Variants in CFAP92 observed in about 807,000 individuals in gnomAD.
The protein encoded by CFAP92 is uncharacterized protein CFAP92.
Under a neutral mutation model 106.3 loss-of-function variants are expected in CFAP92, and 86 were observed. The ratio of observed to expected loss-of-function variants is 0.81; its 90% CI spans 0.68 to 0.97. The LOEUF is 0.97. Among genes scored for constraint, CFAP92 ranks in the 50% least tolerant of loss-of-function variants. The probability of loss-of-function intolerance (pLI) is 0.00; values close to 1 mark genes in which losing one functional copy is unlikely to be tolerated. For synonymous variants in CFAP92, 477 were observed against 506.4 expected, an observed-to-expected ratio of 0.94 and a Z score of 0.78; for missense variants, 1,204 against 1,283.8, an observed-to-expected ratio of 0.94 and a Z score of 0.95.
intron 1 of CFAP92, chr3:129,002,544 A>G (rs1170216394): frequency 4.5e-5 from 42 of 928,200 alleles, no homozygotes; most frequent in Non-Finnish European, 5.9e-5. Context: ...TCCATTCCTG[A>G]AAACCCCAAT....
chr3:128,915,598 G>A (rs1471151303), intron 13 of CFAP92, 35 bp from the exon 14 acceptor site: 2 of 1,343,624 alleles, frequency 1.5e-6, no homozygotes, highest in Non-Finnish European at 2.0e-6. Flanking sequence ...GGGTGGAAGG[G>A]CTAATAGCAA....
chr3:128,932,775 G>A lies in CFAP92; in HGVS notation c.2676C>T (p.Ala892=), dbSNP rs565687244. Residue 892 remains alanine (A), a synonymous_variant, in exon 12 of 16, where the codon GCC becomes GCT. Coordinates refer to ENST00000645291, the MANE Select transcript of CFAP92 (RefSeq NM_001394090.1). ...GCCACTGCAGGTACTTCTCCTGGTG[G>A]GCGTGGATCTCTAAGGTGAGGGTGG... is the stretch of plus-strand genomic sequence containing the variant. ...RNSTLTLEIH[A]HQEKYLQWRS... 2 of 1,536,156 alleles carry A rather than the reference G, an allele frequency of 1.3e-6. No homozygotes were observed. The highest frequency in any genetic ancestry group is 2.4e-5 in the South Asian group (2 of 84,054).
At chr3:128,959,421 A>G (rs1941695117) in intron 9 of CFAP92, among the ~76,000 whole-genome samples, 1 of 152,182 alleles carries the variant, frequency 6.6e-6, no homozygotes, top group African/African-American at 2.4e-5. Context: ...AAAAAAAGGT[A>G]GAAAAAAATA....
At position 128,909,919 on chromosome 3, in the gene CFAP92, G is replaced by C; in HGVS notation, c.*380C>G. On this transcript the variant is annotated 3_prime_UTR_variant, in exon 16 of 16. Transcript: ENST00000645291. The stretch of plus-strand genomic sequence containing the variant: ...GTGTTATTGACTCCACTTTCTCAAG[G>C]AACACAGGAGACTAAGACAGGCAAA... The C allele has an allele frequency of 6.6e-7, 1 of 1,523,704 alleles. No individual in the cohort carries two copies. The allele number at this position is 1,523,704 out of a possible 1,614,324, so 94.4% of individuals were successfully genotyped here.
intron 1 of CFAP92, chr3:129,001,590 C>A (rs569885346): frequency 5.2e-6 from 7 of 1,352,268 alleles, no homozygotes; most frequent in Non-Finnish European, 5.7e-6. Flanking sequence ...GCGAAGGGAC[C>A]GGAGGAGGGA....
At position 128,916,266 on chromosome 3, in the gene CFAP92, A is replaced by G; in HGVS notation, c.2757T>C (p.Asn919=). ...TGCTGACCTGGTAGGCTTCTGTGAT[A>G]TTTTTCTGAAGAAAGAGACACCAGT... ...KDKKHSFIQK[N]ITEAYQVSKK... Residue 919 remains asparagine, a synonymous_variant, in exon 13 of 16, where the codon AAT becomes AAC. Transcript: ENST00000645291. 8.1e-7 allele frequency: 1 copy of G among 1,231,898 alleles called. No individual in the cohort carries two copies. The highest frequency in any genetic ancestry group is 1.0e-6 in the Non-Finnish European group (1 of 987,932). 76.3% of individuals were successfully genotyped at this position (1,231,898 alleles called of 1,614,324 possible). A position where few individuals can be genotyped will look rare whatever the true frequency, so the allele number is the denominator to read the frequency against.
intron 11 of CFAP92, 57 bp downstream of exon 11, chr3:128,935,068 T>A (rs1381075774): frequency 7.1e-7 from 1 of 1,404,176 alleles, no homozygotes; most frequent in Non-Finnish European, 9.4e-7. Flanking sequence ...GTGCAGAGTG[T>A]TAAGAAGTGC....
At chr3:128,951,032 T>C (rs1459968924) in intron 9 of CFAP92, among the ~76,000 whole-genome samples, 2 of 152,250 alleles carry the variant, frequency 1.3e-5, no homozygotes, top group East Asian at 1.9e-4. Flanking sequence ...TTTCTGAACA[T>C]TTCCTAGAAA....
At chr3:128,977,912 G>A (rs1004790401) in intron 5 of CFAP92, 133 bp downstream of exon 5, 4 of 1,067,052 alleles carry the variant, frequency 3.7e-6, no homozygotes, top group Admixed American at 2.3e-5. Context: ...GTGGCAGGGT[G>A]AGCCCCGCCC....
At chr3:128,911,451 G>A (rs1022087988) in intron 15 of CFAP92, among the ~76,000 whole-genome samples, 4 of 151,334 alleles carry the variant, frequency 2.6e-5, no homozygotes, top group African/African-American at 9.7e-5. Context: ...TCTTTTTTTT[G>A]GAGACATAGT....
At chr3:128,944,998 C>G in intron 10 of CFAP92, 73 bp downstream of exon 10, 1 of 1,328,620 alleles carries the variant, frequency 7.5e-7, no homozygotes. Flanking sequence ...AGGCTTGGCT[C>G]TGAAAGACCT....
upstream of CFAP92, among the ~76,000 whole-genome samples, chr3:129,006,284 G>A (rs1945070844): frequency 2.6e-5 from 4 of 152,280 alleles, 1 homozygote; most frequent in South Asian, 8.3e-4. Flanking sequence ...AGTCCTGTTA[G>A]TCAGTCCCAA....
intron 15 of CFAP92, among the ~76,000 whole-genome samples, chr3:128,913,717 G>GT (rs1485754514): frequency 6.6e-6 from 1 of 152,176 alleles, no homozygotes; most frequent in African/African-American, 2.4e-5. Context: ...TCTGCCAGGG[G>GT]TTTGGTAACT....
chr3:128,952,298 T>A (rs1576491558), intron 9 of CFAP92, among the ~76,000 whole-genome samples: 1 of 150,338 alleles, frequency 6.7e-6, no homozygotes, highest in Non-Finnish European at 1.5e-5. Flanking sequence ...TCTAGCTAAT[T>A]AAAATAAAAA....
chr3:128,959,163 T>A (rs943913063), intron 9 of CFAP92, among the ~76,000 whole-genome samples: 2 of 151,998 alleles, frequency 1.3e-5, no homozygotes, highest in Non-Finnish European at 2.9e-5. Flanking sequence ...TGAGCTGAGA[T>A]TGCACCCCTG....
chr3:128,927,839 C>T (rs985787730), intron 12 of CFAP92, among the ~76,000 whole-genome samples: 1 of 152,092 alleles, frequency 6.6e-6, no homozygotes, highest in Non-Finnish European at 1.5e-5. Context: ...ACACTAAGAA[C>T]TACAGAAATC....
the CFAP92 span, among the ~76,000 whole-genome samples, chr3:129,017,429 G>A: frequency 5.9e-5 from 9 of 152,304 alleles, no homozygotes; most frequent in Admixed American, 4.6e-4. Context: ...CGGGCGTGGC[G>A]GGCTTCTCTG....
chr3:128,986,037 C>A (rs543523076), intron 4 of CFAP92, among the ~76,000 whole-genome samples: 30 of 152,196 alleles, frequency 2.0e-4, no homozygotes, highest in African/African-American at 7.0e-4. Context: ...GAGTAAGAAA[C>A]CCTGGACATA....
At chr3:129,013,757 G>A in the CFAP92 span, among the ~76,000 whole-genome samples, 5 of 152,266 alleles carry the variant, frequency 3.3e-5, no homozygotes, top group South Asian at 1.0e-3. Context: ...AAACATTCCC[G>A]CCATTGGCCC....
Sources: gnomAD v4.1 joint callset for allele counts (sites outside exome capture counted in the v4.1 genomes callset) on GRCh38, gnomAD v4.1.1 for gene constraint, MANE v1.5 for transcripts, NCBI Gene and HGNC (gene_info 2026-07-23, HGNC 2026-07-21) for gene names.